WIPF3: variants seen among roughly 807,000 people sequenced by gnomAD.
WIPF3 encodes the protein WAS/WASL-interacting protein family member 3.
In WIPF3, 33 loss-of-function variants were observed where a neutral mutation model predicts 38.9. The observed-to-expected ratio is 0.85, with a 90% CI of 0.64 to 1.14. WIPF3 has a LOEUF of 1.14. WIPF3 is among the 50% of genes most tolerant of loss of function. The pLI is 0.00. For synonymous variants in WIPF3, 324 were observed against 269.3 expected, an observed-to-expected ratio of 1.20 and a Z score of -1.99; for missense variants, 711 against 652.5, an observed-to-expected ratio of 1.09 and a Z score of -0.98.
chr7:29,875,705 T>G, intron 2 of WIPF3, 125 bp from the exon 3 acceptor site: 3 of 1,307,156 alleles, frequency 2.3e-6, no homozygotes, highest in Non-Finnish European at 3.2e-6. Context: ...ATAGGTAATC[T>G]GAGATCAGCC....
intron 7 of WIPF3, among the ~76,000 whole-genome samples, chr7:29,890,354 C>CAAA (rs753546656): frequency 1.4e-4 from 7 of 50,612 alleles, no homozygotes; most frequent in Non-Finnish European, 2.6e-4. Context: ...TCTGTATCCA[C>CAAA]AAAAAAAAAA....
At chr7:29,890,970 A>G (rs1477905254) in intron 7 of WIPF3, among the ~76,000 whole-genome samples, 2 of 111,728 alleles carry the variant, frequency 1.8e-5, no homozygotes, top group African/African-American at 7.1e-5. Flanking sequence ...CCCTGTGCTC[A>G]GGTGGAGGGG....
intron 2 of WIPF3, among the ~76,000 whole-genome samples, chr7:29,869,767 A>G (rs1474331446): frequency 6.6e-6 from 1 of 152,188 alleles, no homozygotes; most frequent in African/African-American, 2.4e-5. Flanking sequence ...CGAAATTCTC[A>G]TTGTTGCTAA....
At chr7:29,900,221 G>A (rs1786247041) in intron 7 of WIPF3, among the ~76,000 whole-genome samples, 1 of 152,200 alleles carries the variant, frequency 6.6e-6, no homozygotes, top group Admixed American at 6.5e-5. Flanking sequence ...ACAGGTGTGA[G>A]CCACTGCACC....
chr7:29,815,483 A>G (rs1263208145), intron 1 of WIPF3, among the ~76,000 whole-genome samples: 1 of 151,990 alleles, frequency 6.6e-6, no homozygotes, highest in Non-Finnish European at 1.5e-5. Context: ...GTTTTAAGGG[A>G]TGGTGTTTGA....
chr7:29,869,371 T>C (rs1247934315), intron 2 of WIPF3, among the ~76,000 whole-genome samples: 1 of 152,206 alleles, frequency 6.6e-6, no homozygotes, highest in Non-Finnish European at 1.5e-5. Flanking sequence ...GAGTTAGCAC[T>C]CAAATCTTAA....
At chr7:29,862,390 A>G (rs1785303527) in intron 2 of WIPF3, among the ~76,000 whole-genome samples, 1 of 152,188 alleles carries the variant, frequency 6.6e-6, no homozygotes, top group African/African-American at 2.4e-5. Context: ...GAAATGATAA[A>G]AGGTCAGTAA....
chr7:29,816,605 C>T (rs174926), intron 1 of WIPF3, among the ~76,000 whole-genome samples: 47,807 of 151,792 alleles, frequency 0.31, 7,874 homozygotes, highest in East Asian at 0.47. Flanking sequence ...GGATTACAGG[C>T]ATGAGCTGCC....
chr7:29,872,431 G>A (rs896774477), intron 2 of WIPF3, among the ~76,000 whole-genome samples: 5 of 152,072 alleles, frequency 3.3e-5, no homozygotes, highest in Non-Finnish European at 7.4e-5. Flanking sequence ...GTATATGGTC[G>A]CTTTTGCCAC....
At chr7:29,810,392 G>T (rs56318605) in intron 1 of WIPF3, among the ~76,000 whole-genome samples, 5,849 of 152,266 alleles carry the variant, frequency 0.038, 147 homozygotes, top group Middle Eastern at 0.13. Flanking sequence ...CCTGCCCCAT[G>T]CCTGGCAAGT....
At chr7:29,860,795 A>G (rs1031392192) in intron 2 of WIPF3, among the ~76,000 whole-genome samples, 2 of 152,224 alleles carry the variant, frequency 1.3e-5, no homozygotes, top group African/African-American at 4.8e-5. Context: ...CACGGTTGAT[A>G]GGTGGTAAAA....
chr7:29,898,036 C>G (rs1360840434), intron 7 of WIPF3, among the ~76,000 whole-genome samples: 1 of 152,196 alleles, frequency 6.6e-6, no homozygotes, highest in African/African-American at 2.4e-5. Flanking sequence ...ACCCCCTGTT[C>G]TCTCTGGAGC....
intron 2 of WIPF3, among the ~76,000 whole-genome samples, chr7:29,846,381 G>A (rs1014011103): frequency 2.6e-5 from 4 of 152,214 alleles, no homozygotes; most frequent in African/African-American, 9.6e-5. Flanking sequence ...AAAGCAGGAT[G>A]CCACCTGTAC....
At chr7:29,903,790 A>G (rs1583629494) in intron 7 of WIPF3, among the ~76,000 whole-genome samples, 1 of 152,198 alleles carries the variant, frequency 6.6e-6, no homozygotes, top group Admixed American at 6.5e-5. Context: ...ACAAGAAGAG[A>G]AGAGGAACTT....
chr7:29,908,608 G>T (rs1042556776), intron 8 of WIPF3, among the ~76,000 whole-genome samples: 2 of 152,172 alleles, frequency 1.3e-5, no homozygotes, highest in African/African-American at 2.4e-5. Context: ...TGTCTTAAAT[G>T]ATTTTAAAAG....
intron 7 of WIPF3, among the ~76,000 whole-genome samples, chr7:29,899,269 C>A (rs907137249): frequency 2.6e-5 from 4 of 152,218 alleles, no homozygotes; most frequent in African/African-American, 9.6e-5. Context: ...TGGAGAAACA[C>A]GATTCAATCC....
chr7:29,892,176 C>T (rs1400278063), intron 7 of WIPF3, among the ~76,000 whole-genome samples: 1 of 152,194 alleles, frequency 6.6e-6, no homozygotes, highest in Non-Finnish European at 1.5e-5. Flanking sequence ...GAATTAGGCT[C>T]CTTTACTCCC....
chr7:29,915,112 C>T lies in WIPF3; in HGVS notation c.*596C>T, dbSNP rs1033874150. 2 of 106,566 alleles carry T rather than the reference C, an allele frequency of 1.9e-5. No individual in the cohort carries two copies. The highest frequency in any genetic ancestry group is 3.3e-4 in the South Asian group (1 of 3,056). The allele number at this position is 106,566 out of a possible 1,614,324, so 6.6% of individuals were successfully genotyped here. A position where few individuals can be genotyped will look rare whatever the true frequency, so the allele number is the denominator to read the frequency against. ...TTTTTTTTTTTTTTTTTTTTGCTGC[C>T]TAATGTAATACATCACAAAGTAAAG... On this transcript the variant is annotated 3_prime_UTR_variant, in exon 9 of 9. Transcript: ENST00000242140.
intron 2 of WIPF3, among the ~76,000 whole-genome samples, chr7:29,873,373 CT>C (rs1382107310): frequency 6.6e-6 from 1 of 152,136 alleles, no homozygotes; most frequent in African/African-American, 2.4e-5. Context: ...ACAAAGCACG[CT>C]TTTTTCCCCA....
Sources: allele counts gnomAD v4.1 joint callset (sites outside exome capture counted in the v4.1 genomes callset), GRCh38; gene constraint gnomAD v4.1.1; transcripts MANE v1.5; gene names NCBI Gene and HGNC (gene_info 2026-07-23, HGNC 2026-07-21).